IL21R: variants seen among roughly 807,000 people sequenced by gnomAD.
The protein encoded by IL21R is interleukin-21 receptor.
IL21R carries 14 observed loss-of-function variants against 41.3 expected under a neutral mutation model. The ratio of observed to expected loss-of-function variants is 0.34; its 90% CI spans 0.22 to 0.53. IL21R has a LOEUF of 0.53. Ranked by LOEUF, IL21R falls within the 20% of genes least tolerant of loss-of-function variation. The pLI is 0.94. For synonymous variants in IL21R, 286 were observed against 287.6 expected (o/e 0.99, Z 0.05); for missense variants, 588 against 681.6 (o/e 0.86, Z 1.53).
chr16:27,439,492 GCA>G (rs1207570387), intron 4 of IL21R, among the ~76,000 whole-genome samples: 3 of 140,824 alleles, frequency 2.1e-5, no homozygotes, highest in Admixed American at 7.0e-5. Flanking sequence ...ACTCACACAT[GCA>G]CACACATATA....
chr16:27,435,693 ATC>A, intron 3 of IL21R, among the ~76,000 whole-genome samples: 1 of 152,174 alleles, frequency 6.6e-6, no homozygotes, highest in Middle Eastern at 3.4e-3. Context: ...GGCTCAAGCA[ATC>A]TGCCCACCTC....
intron 1 of IL21R, among the ~76,000 whole-genome samples, chr16:27,406,242 C>T (rs931320706): frequency 6.6e-6 from 1 of 152,260 alleles, no homozygotes; most frequent in Admixed American, 6.5e-5. Flanking sequence ...AGTTCAAAGC[C>T]TCCTTTCACT....
At chr16:27,406,374 T>G in intron 1 of IL21R, among the ~76,000 whole-genome samples, 1 of 143,730 alleles carries the variant, frequency 7.0e-6, no homozygotes, top group African/African-American at 2.6e-5. Context: ...TGCAGGGAGA[T>G]AGAGATTGCA....
chr16:27,414,625 A>G (rs1016914917), intron 1 of IL21R, among the ~76,000 whole-genome samples: 1 of 142,324 alleles, frequency 7.0e-6, no homozygotes, highest in Admixed American at 6.8e-5. Context: ...TTTTTGACCT[A>G]TCTATTCTTC....
At chr16:27,411,307 A>G (rs929080370) in intron 1 of IL21R, among the ~76,000 whole-genome samples, 57 of 152,072 alleles carry the variant, frequency 3.7e-4, no homozygotes, top group African/African-American at 1.3e-3. Flanking sequence ...TTTTTTTATA[A>G]TAACCATCCT....
Position 27,434,402 on chromosome 16 carries a change from C to T in IL21R, c.105C>T (p.Cys35=). 6.2e-7 allele frequency: 1 copy of T among 1,614,032 alleles called. No individual in the cohort carries two copies. The highest frequency in any genetic ancestry group is 8.5e-7 in the Non-Finnish European group (1 of 1,179,970). The change falls in exon 3 of 9, where the codon TGC becomes TGT. Residue 35 remains cysteine (C), a synonymous_variant. Coordinates refer to ENST00000337929, the MANE Select transcript of IL21R (RefSeq NM_181078.3). ...CCGATTACCTCCAGACGGTCATCTG[C>T]ATCCTGGAAATGTGGAACCTCCACC... ...CYTDYLQTVI[C]ILEMWNLHPS... is the part of the protein sequence containing the mutation.
chr16:27,430,500 T>C (rs1273537669), intron 2 of IL21R, among the ~76,000 whole-genome samples: 2 of 152,188 alleles, frequency 1.3e-5, no homozygotes, highest in African/African-American at 4.8e-5. Flanking sequence ...CCTTATGTAA[T>C]GACTCTCCTT....
chr16:27,431,020 C>T (rs1429732335), intron 2 of IL21R, among the ~76,000 whole-genome samples: 4 of 152,070 alleles, frequency 2.6e-5, no homozygotes, highest in South Asian at 2.1e-4. Flanking sequence ...ACTGAAAGGG[C>T]ACTGCCTAGG....
At chr16:27,428,534 T>A (rs990998048) in intron 1 of IL21R, among the ~76,000 whole-genome samples, 1 of 152,254 alleles carries the variant, frequency 6.6e-6, no homozygotes, top group African/African-American at 2.4e-5. Context: ...GGGGCTGGTC[T>A]GGGAGGGGCT....
At chr16:27,425,848 G>A (rs1445269444) in intron 1 of IL21R, among the ~76,000 whole-genome samples, 1 of 152,172 alleles carries the variant, frequency 6.6e-6, no homozygotes, top group African/African-American at 2.4e-5. Flanking sequence ...GACCCAGTGT[G>A]CCCGGCCTCC....
At chr16:27,440,454 G>A (rs983727457) in intron 4 of IL21R, among the ~76,000 whole-genome samples, 1 of 151,760 alleles carries the variant, frequency 6.6e-6, no homozygotes, top group Non-Finnish European at 1.5e-5. Context: ...TAAATTTTTT[G>A]TAGAGCTGGG....
intron 8 of IL21R, among the ~76,000 whole-genome samples, chr16:27,446,589 TA>T (rs61289077): frequency 2.0e-3 from 285 of 144,600 alleles, no homozygotes; most frequent in Admixed American, 3.2e-3. Context: ...GACTATATCT[TA>T]AAAAAAAAAA....
rs75657259 is a variant in IL21R at position 27,450,265 on chromosome 16, T to G, written c.*982T>G. ...TCTTTTTCTAACTTCTGCTACTAAG[T>G]TTTTAAAAATTCCCTTTATGCACCC... On this transcript the variant is annotated 3_prime_UTR_variant, in exon 9 of 9. Transcript: ENST00000337929. 3.1e-3 allele frequency: 729 copies of G among 232,440 alleles called. 20 individuals carry two copies. In the East Asian group the frequency reaches 0.04, roughly 13 times the overall value. The allele number at this position is 232,440 out of a possible 1,614,324, so 14.4% of individuals were successfully genotyped here. A position where few individuals can be genotyped will look rare whatever the true frequency, so the allele number is the denominator to read the frequency against.
intron 1 of IL21R, chr16:27,403,151 C>G: frequency 8.7e-7 from 1 of 1,150,534 alleles, no homozygotes; most frequent in Non-Finnish European, 1.2e-6. Context: ...GCAGGTCGGG[C>G]AGTCAAGCCA....
At position 27,437,638 on chromosome 16, in the gene IL21R, G is replaced by A; in HGVS notation, c.303G>A (p.Gln101=). ...DDIFSVNITD[Q]SGNYSQECGS... Reference sequence around the variant, plus strand: ...TTTTCAGTGTCAACATCACAGACCAGTCTGGCAACTACTCCCAGGAGTGTG... The same window carrying A: ...TTTTCAGTGTCAACATCACAGACCAATCTGGCAACTACTCCCAGGAGTGTG... The change falls in exon 4 of 9, where the codon CAG becomes CAA. Residue 101 remains glutamine, a synonymous_variant. Transcript: ENST00000337929. The A allele has an allele frequency of 4.3e-6, 7 of 1,614,216 alleles. No individual in the cohort carries two copies. Among genetic ancestry groups the A allele is most frequent in the Non-Finnish European group, 5.9e-6 (7 of 1,180,034 alleles).
chr16:27,448,242 G>A (rs1271313786), intron 8 of IL21R: 9 of 328,158 alleles, frequency 2.7e-5, no homozygotes, highest in African/African-American at 1.3e-4. Context: ...ATCACCTGAC[G>A]TCAGGAGTTC....
rs528383530 is a variant in IL21R at position 27,429,416 on chromosome 16, C to T, written c.-16-640C>T. ...AGATAAATACACAAGTTTAATTTCA[C>T]ACACAATGCTACATCAATAGGCTCA... On this transcript the variant is annotated intron_variant, in intron 1 of 8. Transcript: ENST00000337929. Among the ~76,000 whole-genome samples the T allele has an allele frequency of 2.6e-5, 4 of 152,202 alleles. No homozygotes were observed. In the South Asian group the frequency reaches 6.2e-4, roughly 24 times the overall value.
chr16:27,404,210 G>A (rs1418648700), intron 1 of IL21R, among the ~76,000 whole-genome samples: 1 of 152,150 alleles, frequency 6.6e-6, no homozygotes, highest in Non-Finnish European at 1.5e-5. Flanking sequence ...CCTCTGCCAG[G>A]AGGGTGTCCG....
At position 27,449,843 on chromosome 16, in the gene IL21R, A is replaced by G; in HGVS notation, c.*560A>G. 3 of 233,804 alleles carry G rather than the reference A, an allele frequency of 1.3e-5. No homozygotes were observed. The highest frequency in any genetic ancestry group is 2.5e-5 in the Non-Finnish European group (3 of 118,414). 14.5% of individuals were successfully genotyped at this position (233,804 alleles called of 1,614,324 possible). A position where few individuals can be genotyped will look rare whatever the true frequency, so the allele number is the denominator to read the frequency against. ...AAGCGAAAGGGGATGGAGTGAGCCC[A>G]TGGTGACCTCGGGAATGGCAATTTT... On this transcript the variant is annotated 3_prime_UTR_variant, in exon 9 of 9. Coordinates refer to ENST00000337929, the MANE Select transcript of IL21R (RefSeq NM_181078.3).
Sources: gnomAD v4.1 joint callset for allele counts (sites outside exome capture counted in the v4.1 genomes callset) on GRCh38, gnomAD v4.1.1 for gene constraint, MANE v1.5 for transcripts, NCBI Gene and HGNC (gene_info 2026-07-23, HGNC 2026-07-21) for gene names.